The following HLTF variants were observed in gnomAD, a reference collection of about 807,000 sequenced individuals.
The protein encoded by HLTF is DNA-dependent ATPase/E3 ubiquitin-protein ligase HLTF.
HLTF carries 127 observed loss-of-function variants against 129.4 expected under a neutral mutation model. The ratio of observed to expected loss-of-function variants is 0.98; its 90% confidence interval spans 0.85 to 1.14. The LOEUF is 1.14. Ranked by LOEUF, HLTF falls within the 50% of genes most tolerant of loss-of-function variation. The pLI is 0.00. For synonymous variants in HLTF, 332 were observed against 388.8 expected, an observed-to-expected ratio of 0.85 and a Z score of 1.72; for missense variants, 1,139 against 1,187.1, an observed-to-expected ratio of 0.96 and a Z score of 0.60.
chr3:149,056,349 A>G (rs1717429276), intron 13 of HLTF, among the ~76,000 whole-genome samples: 1 of 152,262 alleles, frequency 6.6e-6, no homozygotes, highest in Non-Finnish European at 1.5e-5. Flanking sequence ...AAGTGTTTTT[A>G]CAAATTCTTG....
chr3:149,039,633 A>G lies in HLTF; in HGVS notation c.2563T>C (p.Leu855=). The part of the protein sequence containing the change: ...LRKKNPNIKS[L]VVSQFTTFLS... ...AATGTTGTAAACTGAGAAACAACCA[A>G]ACTTTTTATGTTGGGATTCTTCTTT... Residue 855 remains leucine, a synonymous_variant, in exon 22 of 25, where the codon TTG becomes CTG. Transcript: ENST00000310053. The G allele has an allele frequency of 6.2e-7, 1 of 1,608,264 alleles. No individual in the cohort carries two copies. Among genetic ancestry groups the G allele is most frequent in the South Asian group, 1.1e-5 (1 of 89,840 alleles).
intron 5 of HLTF, among the ~76,000 whole-genome samples, 155 bp downstream of exon 5, chr3:149,073,070 T>C (rs1719014703): frequency 6.6e-6 from 1 of 152,192 alleles, no homozygotes; most frequent in Admixed American, 6.5e-5. Context: ...TGTTAACATA[T>C]ATATATTCTA....
At chr3:149,078,221 T>C (rs989651936) in intron 2 of HLTF, among the ~76,000 whole-genome samples, 3 of 152,118 alleles carry the variant, frequency 2.0e-5, no homozygotes, top group Non-Finnish European at 2.9e-5. Flanking sequence ...TTTGACATAG[T>C]AGAAAAAGAA....
At position 149,046,088 on chromosome 3, in the gene HLTF, A is replaced by G; in HGVS notation, c.2064T>C (p.Thr688=). The change falls in exon 18 of 25, where the codon ACT becomes ACC. Residue 688 remains threonine, a synonymous_variant. Coordinates refer to ENST00000310053, the MANE Select transcript of HLTF (RefSeq NM_003071.4). ...GTTTTCTTTCTCCATACCTTCCAAT[A>G]GTGGCTCTGCCTTCATTTTTCACAG... ...YQSVKNEGRA[T]IGRYFNEGTV... is the part of the protein sequence containing the mutation. 6.2e-7 allele frequency: 1 copy of G among 1,606,086 alleles called. No homozygotes were observed. The highest frequency in any genetic ancestry group is 8.5e-7 in the Non-Finnish European group (1 of 1,176,936).
chr3:149,062,441 C>A (rs1319401936), intron 10 of HLTF, among the ~76,000 whole-genome samples: 4 of 152,174 alleles, frequency 2.6e-5, no homozygotes, highest in Non-Finnish European at 4.4e-5. Flanking sequence ...AATGACAGAA[C>A]AATTAACATA....
At position 149,033,905 on chromosome 3, in the gene HLTF, C is replaced by G. The variant is rs764933189; in HGVS notation, c.2877+1013G>C. Among the ~76,000 whole-genome samples the G allele has an allele frequency of 3.3e-5, 5 of 151,926 alleles. No individual in the cohort carries two copies. The East Asian group carries it at 9.7e-4, about 29-fold the overall frequency. On this transcript the variant is annotated intron_variant, in intron 24 of 24. Transcript: ENST00000310053. ...AAAAATTTTAAAGCTTTTTCATGAC[C>G]AAAAAAATGCAGTTTAAAGACAAGG... is the stretch of plus-strand genomic sequence containing the variant.
At chr3:149,083,371 A>C (rs1720052832) in intron 2 of HLTF, among the ~76,000 whole-genome samples, 1 of 152,216 alleles carries the variant, frequency 6.6e-6, no homozygotes, top group Admixed American at 6.5e-5. Flanking sequence ...AAATAAGAAA[A>C]CTGATGATTA....
intron 1 of HLTF, among the ~76,000 whole-genome samples, chr3:149,085,108 T>G (rs1470762117): frequency 6.6e-6 from 1 of 152,198 alleles, no homozygotes; most frequent in Admixed American, 6.5e-5. Context: ...ACCTGCCCCC[T>G]AGGTATTCAA....
intron 3 of HLTF, among the ~76,000 whole-genome samples, chr3:149,075,148 A>C (rs917523883): frequency 1.3e-5 from 2 of 152,246 alleles, no homozygotes; most frequent in Non-Finnish European, 2.9e-5. Flanking sequence ...GGACTTAGCT[A>C]TTTCAATAAT....
At chr3:149,039,881 A>T (rs1468316375) in intron 21 of HLTF, 150 bp downstream of exon 21, 10 of 753,706 alleles carry the variant, frequency 1.3e-5, no homozygotes, top group Middle Eastern at 3.8e-4. Context: ...TTTCCCCTCA[A>T]ATTCACCACT....
chr3:149,069,708 T>C lies in HLTF; in HGVS notation c.895-1373A>G, dbSNP rs555066750. 9.8e-5 allele frequency among the ~76,000 whole-genome samples: 15 copies of C among 152,316 alleles called. No homozygotes were observed. The South Asian group carries it at 3.1e-3, about 32-fold the overall frequency. The stretch of plus-strand genomic sequence containing the variant: ...TCATGCGACACCATTTTTACTTGAA[T>C]GACAACTATCAATCACGACTGAGTG... On this transcript the variant is annotated intron_variant, in intron 7 of 24. Coordinates refer to ENST00000310053, the MANE Select transcript of HLTF (RefSeq NM_003071.4).
intron 18 of HLTF, among the ~76,000 whole-genome samples, chr3:149,043,460 A>AG (rs1559858666): frequency 6.6e-6 from 1 of 150,568 alleles, no homozygotes; most frequent in Non-Finnish European, 1.5e-5. Context: ...AGGAAAGAGA[A>AG]GGGGGGAAAA....
chr3:149,032,300 C>G lies in HLTF; in HGVS notation c.2950G>C (p.Ala984Pro). 1 of 1,601,000 alleles carries G rather than the reference C, an allele frequency of 6.2e-7. No individual in the cohort carries two copies. The highest frequency in any genetic ancestry group is 8.5e-7 in the Non-Finnish European group (1 of 1,173,428). The change falls in exon 25 of 25, where the codon GCC becomes CCC. Residue 984 changes from alanine to proline, a missense_variant. Transcript: ENST00000310053. ...QNKKRELAAG[A>P]FGTKKPNADE... ...GCATTTGGTTTTTTAGTTCCAAAGGCTCCTGCTGCAAGTTCTCTCTTTTTG... is the reference window on the plus strand; with the variant it reads ...GCATTTGGTTTTTTAGTTCCAAAGGGTCCTGCTGCAAGTTCTCTCTTTTTG...
intron 19 of HLTF, chr3:149,041,906 C>G (rs978454436): frequency 6.9e-6 from 4 of 576,506 alleles, no homozygotes; most frequent in Non-Finnish European, 1.2e-5. Context: ...TAACATACCA[C>G]CACACAATAA....
At position 149,051,232 on chromosome 3, in the gene HLTF, G is replaced by GT. The variant is rs201587496; in HGVS notation, c.1474-858dup. On this transcript the variant is annotated intron_variant, in intron 14 of 24. Transcript: ENST00000310053. ...AATTGTGTGATAAAAATATAAGGAAGTTTAAAAAAAAAAAAAAAGAAGGGA... is the reference window on the plus strand; with the variant it reads ...AATTGTGTGATAAAAATATAAGGAAGTTTTAAAAAAAAAAAAAAAGAAGGGA... 2.6e-3 allele frequency among the ~76,000 whole-genome samples: 363 copies of GT among 141,614 alleles called. 4 individuals are homozygous for GT. Among genetic ancestry groups the GT allele is most frequent in the African/African-American group, 7.2e-3 (274 of 38,226 alleles). The allele number at this position is 141,614 out of a possible 152,430, so 92.9% of individuals were successfully genotyped here.
In HLTF at chr3:149,051,747, A is replaced by G. The variant is rs1233285843; in HGVS notation, c.1474-1372T>C. On this transcript the variant is annotated intron_variant, in intron 14 of 24. Coordinates refer to ENST00000310053, the MANE Select transcript of HLTF (RefSeq NM_003071.4). ...ATGGTGGTGATGGTGATGCGCACCT[A>G]TAATTCCAGCTACTCGGGAGGCTAA... Among the ~76,000 whole-genome samples the G allele has an allele frequency of 7.2e-5, 11 of 152,150 alleles. No homozygotes were observed. In the East Asian group the frequency reaches 7.7e-4, roughly 11 times the overall value.
intron 24 of HLTF, among the ~76,000 whole-genome samples, chr3:149,034,270 A>G (rs1715381887): frequency 6.6e-6 from 1 of 152,202 alleles, no homozygotes; most frequent in Non-Finnish European, 1.5e-5. Context: ...ACTTGCATCT[A>G]TGTGAAAAGA....
At chr3:149,032,957 C>CAAAAA (rs67952189) in intron 24 of HLTF, among the ~76,000 whole-genome samples, 8 of 67,672 alleles carry the variant, frequency 1.2e-4, no homozygotes, top group African/African-American at 2.9e-4. Context: ...AGCGACGTCT[C>CAAAAA]AAAAAAAAAA....
chr3:149,054,148 A>C (rs893656252), intron 14 of HLTF, among the ~76,000 whole-genome samples: 2 of 152,206 alleles, frequency 1.3e-5, no homozygotes, highest in Non-Finnish European at 2.9e-5. Flanking sequence ...TATCACAAGT[A>C]GTCTTTTCCA....
Sources: allele counts gnomAD v4.1 joint callset (sites outside exome capture counted in the v4.1 genomes callset), GRCh38; gene constraint gnomAD v4.1.1; transcripts MANE v1.5; gene names NCBI Gene and HGNC (gene_info 2026-07-23, HGNC 2026-07-21).